The following RREB1 variants were observed in gnomAD, a reference collection of about 807,000 sequenced individuals.
The protein encoded by RREB1 is ras-responsive element-binding protein 1.
In RREB1, 27 loss-of-function variants were observed where a neutral mutation model predicts 117.8. That is an observed-to-expected ratio of 0.23 (90% CI 0.17 to 0.32). RREB1 has a LOEUF of 0.32. Ranked by LOEUF, RREB1 falls within the 10% of genes least tolerant of loss-of-function variation. RREB1 has a pLI of 1.00. For synonymous variants in RREB1, 1,298 were observed against 1,026.7 expected (o/e 1.26, Z -5.05); for missense variants, 2,577 against 2,378.2 (o/e 1.08, Z -1.74).
intron 1 of RREB1, among the ~76,000 whole-genome samples, chr6:7,159,210 C>G (rs978766255): frequency 3.9e-5 from 6 of 152,210 alleles, no homozygotes; most frequent in African/African-American, 1.4e-4. Context: ...TAAGACCACC[C>G]TCTATTCTGT....
chr6:7,211,824 A>T (rs1766627831), intron 8 of RREB1, 115 bp downstream of exon 8: 1 of 1,092,472 alleles, frequency 9.2e-7, no homozygotes, highest in Non-Finnish European at 1.3e-6. Flanking sequence ...GGGCACAACA[A>T]CATTAGGGAG....
In RREB1 at chr6:7,231,711, T is replaced by C; in HGVS notation, c.3612T>C (p.Thr1204=). 1 of 1,613,292 alleles carries C rather than the reference T, an allele frequency of 6.2e-7. No individual in the cohort carries two copies. Among genetic ancestry groups the C allele is most frequent in the Non-Finnish European group, 8.5e-7 (1 of 1,179,800 alleles). ...TTCTGCAGACAGCGGAGGACAACACTCAGGATGAGGTGGCCGGAGCCCCTG... is the reference window on the plus strand; with the variant it reads ...TTCTGCAGACAGCGGAGGACAACACCCAGGATGAGGTGGCCGGAGCCCCTG... ...SPFLQTAEDN[T]QDEVAGAPAD... The change falls in exon 10 of 13, where the codon ACT becomes ACC. Residue 1204 remains threonine (T), a synonymous_variant. Transcript: ENST00000379938.
rs769663945 is a variant in RREB1 at position 7,230,433 on chromosome 6, C to T, written c.2334C>T (p.Arg778=). 3.1e-6 allele frequency: 5 copies of T among 1,590,808 alleles called. No individual in the cohort carries two copies. Among genetic ancestry groups the T allele is most frequent in the East Asian group, 2.2e-5 (1 of 44,670 alleles). Residue 778 remains arginine (R), a synonymous_variant, in exon 10 of 13, where the codon CGC becomes CGT. Transcript: ENST00000379938. ...LRIHMRTHCG[R]GLGGGHKGRK... ...TCCACATGCGCACGCACTGCGGCCG[C>T]GGCCTGGGCGGGGGCCACAAGGGCC...
intron 8 of RREB1, chr6:7,219,090 TACAAAA>T (rs1767081964): frequency 1.6e-4 from 1 of 6,432 alleles, no homozygotes; most frequent in Non-Finnish European, 2.6e-4. Context: ...TCTACTAAAA[TACAAAA>T]AAAAAAAAAA....
chr6:7,154,187 C>T (rs1763255147), intron 1 of RREB1, among the ~76,000 whole-genome samples: 1 of 152,228 alleles, frequency 6.6e-6, no homozygotes, highest in African/African-American at 2.4e-5. Context: ...AAGCTTAGGC[C>T]TGAAGCCTAG....
At chr6:7,120,061 T>A (rs1206974228) in intron 1 of RREB1, among the ~76,000 whole-genome samples, 1 of 152,142 alleles carries the variant, frequency 6.6e-6, no homozygotes, top group African/African-American at 2.4e-5. Flanking sequence ...GTGTGTTCTC[T>A]ACCTTTTAAA....
intron 6 of RREB1, among the ~76,000 whole-genome samples, chr6:7,205,425 T>G (rs1377908341): frequency 6.6e-6 from 1 of 152,146 alleles, no homozygotes; most frequent in African/African-American, 2.4e-5. Context: ...AATTACTAGG[T>G]GGCAGAACAG....
rs1396059204 is a variant in RREB1, at chr6:7,188,429, T to G, written c.262-730T>G. Among the ~76,000 whole-genome samples, 5 of 152,202 alleles carry G rather than the reference T, an allele frequency of 3.3e-5. No homozygotes were observed. The East Asian group carries it at 9.8e-4, about 30-fold the overall frequency. ...CCACGCCCAGCCAATTTTTTTATAT[T>G]TTTAGTAGAGACGGGGTTTCAGCAC... On this transcript the variant is annotated intron_variant, in intron 5 of 12. Coordinates refer to ENST00000379938, the MANE Select transcript of RREB1 (RefSeq NM_001003699.4).
intron 1 of RREB1, among the ~76,000 whole-genome samples, chr6:7,158,661 C>T (rs1763503586): frequency 6.6e-6 from 1 of 152,222 alleles, no homozygotes; most frequent in South Asian, 2.1e-4. Context: ...CTCTTACCTT[C>T]CCAAGCTTTC....
At chr6:7,121,054 C>T (rs905597168) in intron 1 of RREB1, among the ~76,000 whole-genome samples, 4 of 151,774 alleles carry the variant, frequency 2.6e-5, no homozygotes, top group African/African-American at 9.7e-5. Flanking sequence ...GAAGTCCCAA[C>T]CTCAGGTGAT....
chr6:7,120,886 A>G (rs1328961525), intron 1 of RREB1, among the ~76,000 whole-genome samples: 1 of 140,334 alleles, frequency 7.1e-6, no homozygotes, highest in East Asian at 2.1e-4. Context: ...GTGGCACGAT[A>G]TTGGCTCACC....
At position 7,181,143 on chromosome 6, in the gene RREB1, GAGA is replaced by G. The variant is rs1764773670; in HGVS notation, c.-139_-137del. The G allele has an allele frequency of 2.5e-6, 1 of 398,572 alleles. No homozygotes were observed. The highest frequency in any genetic ancestry group is 4.4e-6 in the Non-Finnish European group (1 of 226,050). 24.7% of individuals were successfully genotyped at this position (398,572 alleles called of 1,614,324 possible). On this transcript the variant is annotated 5_prime_UTR_variant, in exon 3 of 13. Coordinates refer to ENST00000379938, the MANE Select transcript of RREB1 (RefSeq NM_001003699.4). ...TTCCAGTGTCAACGAGTACTACCAA[GAGA>G]AGAAGACAAGAGGTCAACACAGACT...
At chr6:7,186,464 G>T (rs997127854) in intron 4 of RREB1, among the ~76,000 whole-genome samples, 5 of 152,168 alleles carry the variant, frequency 3.3e-5, no homozygotes, top group African/African-American at 1.2e-4. Flanking sequence ...CCCCCCAGGT[G>T]ATTCTGCTGA....
At chr6:7,176,171 C>A (rs1057204980) in intron 1 of RREB1, among the ~76,000 whole-genome samples, 1 of 152,214 alleles carries the variant, frequency 6.6e-6, no homozygotes, top group African/African-American at 2.4e-5. Context: ...TCAGTCTTGG[C>A]CTCCCAAAGT....
At chr6:7,196,459 C>T (rs969472401) in intron 6 of RREB1, among the ~76,000 whole-genome samples, 3 of 151,822 alleles carry the variant, frequency 2.0e-5, no homozygotes, top group Non-Finnish European at 2.9e-5. Flanking sequence ...TATAAGAGGA[C>T]ACTCAGAATT....
chr6:7,227,598 A>T (rs1767661506), intron 9 of RREB1, among the ~76,000 whole-genome samples: 1 of 152,142 alleles, frequency 6.6e-6, no homozygotes, highest in Admixed American at 6.5e-5. Flanking sequence ...AAAACACCCC[A>T]GTCCTATGAT....
At chr6:7,201,320 C>G (rs970594584) in intron 6 of RREB1, among the ~76,000 whole-genome samples, 11 of 152,198 alleles carry the variant, frequency 7.2e-5, no homozygotes, top group African/African-American at 2.7e-4. Context: ...GGCAGCATTT[C>G]CACCGTAGCA....
chr6:7,226,320 T>C, intron 8 of RREB1, 147 bp from the exon 9 acceptor site: 1 of 607,112 alleles, frequency 1.6e-6, no homozygotes, highest in South Asian at 2.5e-5. Flanking sequence ...CCATGCAGCC[T>C]GGCTTCTTGA....
chr6:7,179,946 C>T (rs9392861), intron 2 of RREB1, among the ~76,000 whole-genome samples: 26,778 of 151,880 alleles, frequency 0.18, 3,060 homozygotes, highest in East Asian at 0.56. Context: ...GCAACTGTGC[C>T]CGGTGTGAAG....
Sources: gnomAD v4.1 joint callset for allele counts (sites outside exome capture counted in the v4.1 genomes callset) on GRCh38, gnomAD v4.1.1 for gene constraint, MANE v1.5 for transcripts, NCBI Gene and HGNC (gene_info 2026-07-23, HGNC 2026-07-21) for gene names.